FGF13: variants seen among roughly 807,000 people sequenced by gnomAD.
The protein encoded by FGF13 is fibroblast growth factor homologous factor 2.
A neutral mutation model predicts 19.5 loss-of-function variants in FGF13; 2 were observed. The observed-to-expected ratio is 0.10, with a 90% CI of 0.04 to 0.32. FGF13 has a LOEUF of 0.32. FGF13 is among the 10% of genes least tolerant of loss of function. FGF13 has a pLI of 1.00. For missense variants in FGF13, 113 were observed against 192.7 expected (o/e 0.59, Z 2.45); for synonymous variants, 72 against 76.9 (o/e 0.94, Z 0.33).
chrX:138,896,779 C>T (rs479571), intron 1 of FGF13, among the ~76,000 whole-genome samples: 103 of 111,897 alleles, frequency 9.2e-4, no homozygotes, highest in Admixed American at 2.7e-3. Flanking sequence ...TGCCATTCCT[C>T]CTTCCTGGAA....
intron 1 of FGF13, among the ~76,000 whole-genome samples, chrX:138,960,761 T>C (rs891000338): frequency 8.9e-6 from 1 of 111,965 alleles, no homozygotes; most frequent in Non-Finnish European, 1.9e-5. Context: ...ATTCATTTGA[T>C]CTTCAATCAC....
At chrX:138,657,464 G>A (rs561347941) in intron 3 of FGF13, among the ~76,000 whole-genome samples, 141 of 112,155 alleles carry the variant, frequency 1.3e-3, no homozygotes, top group African/African-American at 4.4e-3. Flanking sequence ...GGCATTTGCC[G>A]TTAGCCCTAA....
chrX:138,807,266 T>C (rs769874650), intron 3 of FGF13, among the ~76,000 whole-genome samples: 13 of 112,159 alleles, frequency 1.2e-4, no homozygotes, highest in Non-Finnish European at 2.4e-4. Context: ...TTTCAGTTTA[T>C]GTAACTGAAA....
intron 3 of FGF13, among the ~76,000 whole-genome samples, chrX:138,785,593 G>A (rs1324889032): frequency 1.0e-5 from 1 of 96,064 alleles, no homozygotes; most frequent in Non-Finnish European, 2.3e-5. Context: ...CAGCCAACTA[G>A]CCAATCTTTT....
chrX:138,943,339 T>C (rs989313348), intron 1 of FGF13, among the ~76,000 whole-genome samples: 2 of 112,299 alleles, frequency 1.8e-5, no homozygotes, highest in East Asian at 2.8e-4. Context: ...CTCATTCTGG[T>C]TGATGTGAAG....
intron 3 of FGF13, among the ~76,000 whole-genome samples, chrX:138,649,350 A>T (rs1482018957): frequency 8.9e-6 from 1 of 112,277 alleles, no homozygotes; most frequent in African/African-American, 3.2e-5. Flanking sequence ...CCCTTCAGTG[A>T]GAACACAGTT....
In FGF13 at chrX:138,839,707, T is replaced by C. The variant is rs1388734747; in HGVS notation, c.217+17805A>G. ...TTTTTGTATCTAGTACAGCAATTAC[T>C]CTAGAATAAAATGTTTTGTCAATAG... is the stretch of plus-strand genomic sequence containing the variant. On this transcript the variant is annotated intron_variant, in intron 3 of 6. Coordinates refer to the FGF13 transcript ENST00000436198. Among the ~76,000 whole-genome samples the C allele has an allele frequency of 3.6e-5, 4 of 112,037 alleles. No individual in the cohort carries two copies. The Admixed American group carries it at 3.8e-4, about 11-fold the overall frequency.
chrX:138,985,621 C>G (rs1333915362), intron 1 of FGF13, among the ~76,000 whole-genome samples: 2 of 111,858 alleles, frequency 1.8e-5, no homozygotes, highest in African/African-American at 6.5e-5. Flanking sequence ...TCACACTGGA[C>G]TATTCTCAAA....
chrX:139,179,166 C>T (rs1331971292), intron 1 of FGF13, among the ~76,000 whole-genome samples: 3 of 111,466 alleles, frequency 2.7e-5, no homozygotes, highest in Non-Finnish European at 5.7e-5. Context: ...CTTTTAATGG[C>T]AAAACCGCAA....
At chrX:138,867,815 A>G (rs1209926352) in intron 1 of FGF13, among the ~76,000 whole-genome samples, 1 of 103,918 alleles carries the variant, frequency 9.6e-6, no homozygotes, top group African/African-American at 3.5e-5. Flanking sequence ...CTATCTATCT[A>G]TCTATCTATC....
At chrX:138,947,217 C>T (rs749337071) in intron 1 of FGF13, among the ~76,000 whole-genome samples, 1 of 111,731 alleles carries the variant, frequency 9.0e-6, no homozygotes, top group Non-Finnish European at 1.9e-5. Context: ...TATGAATAAA[C>T]GATGACTGTG....
At chrX:138,791,277 T>A (rs775453939) in intron 3 of FGF13, among the ~76,000 whole-genome samples, 5 of 111,855 alleles carry the variant, frequency 4.5e-5, no homozygotes, top group Admixed American at 2.8e-4. Context: ...GGTATCCACA[T>A]TGTGGAGGGG....
At chrX:138,853,421 A>G (rs1157982447), downstream of FGF13, among the ~76,000 whole-genome samples, 2 of 111,445 alleles carry the variant, frequency 1.8e-5, no homozygotes, top group African/African-American at 6.5e-5. Flanking sequence ...AGTAACAGAC[A>G]TGGTAGTTAC....
chrX:138,620,436 C>T lies in FGF13; in HGVS notation c.*12414G>A. 1 of 110,038 alleles carries T rather than the reference C, an allele frequency of 9.1e-6. No homozygotes were observed. Among genetic ancestry groups the T allele is most frequent in the Non-Finnish European group, 1.9e-5 (1 of 52,708 alleles). 9.1% of individuals were successfully genotyped at this position (110,038 alleles called of 1,213,427 possible). The stretch of plus-strand genomic sequence containing the variant: ...CCATGGCACATGTTTACCTATGTAA[C>T]AAACCTGCATATCCTGCACATGTAC... On this transcript the variant is annotated 3_prime_UTR_variant, in exon 5 of 5. Coordinates refer to ENST00000315930, the MANE Select transcript of FGF13 (RefSeq NM_004114.5).
chrX:138,693,512 T>C (rs1389035270), intron 3 of FGF13, among the ~76,000 whole-genome samples: 1 of 111,798 alleles, frequency 8.9e-6, no homozygotes, highest in East Asian at 2.8e-4. Flanking sequence ...CAGAAATATA[T>C]GTGTTTGTAT....
At chrX:138,984,564 AAGAAGAAGAAGAAGAAGAAGAAGAAGG>A (rs1569436125) in intron 1 of FGF13, among the ~76,000 whole-genome samples, 28 of 48,904 alleles carry the variant, frequency 5.7e-4, no homozygotes, top group African/African-American at 2.0e-3. Context: ...GAAGAAGAAG[AAGAAGAAGAAGAAGAAGAAGAAGAAGG>A]AGGAGGAGGA....
intron 3 of FGF13, among the ~76,000 whole-genome samples, chrX:138,638,468 T>G (rs1190562108): frequency 9.0e-6 from 1 of 111,682 alleles, no homozygotes; most frequent in Non-Finnish European, 1.9e-5. Context: ...TCAGAACTGA[T>G]TACACCTGTT....
intron 1 of FGF13, among the ~76,000 whole-genome samples, chrX:139,145,147 T>A (rs1405035916): frequency 8.9e-6 from 1 of 111,760 alleles, no homozygotes; most frequent in Non-Finnish European, 1.9e-5. Context: ...GTTATGGTAG[T>A]TTGTTTTAGC....
chrX:138,850,808 G>C (rs1245156719), intron 3 of FGF13, among the ~76,000 whole-genome samples: 1 of 112,110 alleles, frequency 8.9e-6, no homozygotes, highest in Non-Finnish European at 1.9e-5. Context: ...TGCCATGGTG[G>C]TTTGCTGCAC....
Sources: gnomAD v4.1 joint callset for allele counts (sites outside exome capture counted in the v4.1 genomes callset) on GRCh38, gnomAD v4.1.1 for gene constraint, MANE v1.5 for transcripts, NCBI Gene and HGNC (gene_info 2026-07-23, HGNC 2026-07-21) for gene names.